SNX9: variants seen among roughly 807,000 people sequenced by gnomAD.
The protein encoded by SNX9 is sorting nexin 9, also known as sorting nexin-9.
A neutral mutation model predicts 89.4 loss-of-function variants in SNX9; 44 were observed. That is an observed-to-expected ratio of 0.49 (90% CI 0.39 to 0.63). SNX9 has a LOEUF of 0.63. Ranked by LOEUF, SNX9 falls within the 30% of genes least tolerant of loss-of-function variation. The pLI is 0.00. For missense variants in SNX9, 578 were observed against 736.1 expected (o/e 0.79, Z 2.49); for synonymous variants, 236 against 247.8 (o/e 0.95, Z 0.45).
chr6:157,880,807 A>T (rs1409511961), intron 4 of SNX9, among the ~76,000 whole-genome samples: 1 of 152,214 alleles, frequency 6.6e-6, no homozygotes, highest in Non-Finnish European at 1.5e-5. Flanking sequence ...CAGACTGTCT[A>T]GGTTTTAATC....
chr6:157,938,781 GA>G (rs11324404), intron 16 of SNX9, 34 bp downstream of exon 16: 348,861 of 1,528,338 alleles, frequency 0.23, 41,015 homozygotes, highest in African/African-American at 0.28. Context: ...GGTGCTGGTG[GA>G]AGTTTTTTTT....
intron 4 of SNX9, among the ~76,000 whole-genome samples, chr6:157,881,545 G>A (rs1469488126): frequency 6.6e-6 from 1 of 152,192 alleles, no homozygotes; most frequent in Non-Finnish European, 1.5e-5. Flanking sequence ...CAGGCCAAAA[G>A]CCAGGTCCTC....
chr6:157,911,062 G>A (rs1271335460), intron 9 of SNX9, among the ~76,000 whole-genome samples: 2 of 152,064 alleles, frequency 1.3e-5, no homozygotes, highest in South Asian at 2.1e-4. Context: ...GCGGTGAGCC[G>A]AGATTGCGCC....
intron 4 of SNX9, 124 bp downstream of exon 4, chr6:157,875,300 G>A: frequency 7.6e-7 from 1 of 1,312,916 alleles, no homozygotes; most frequent in South Asian, 1.8e-5. Flanking sequence ...TCGCTTTTAG[G>A]TTGTTCTGTG....
At chr6:157,891,010 A>G (rs1237525489) in intron 4 of SNX9, among the ~76,000 whole-genome samples, 2 of 150,712 alleles carry the variant, frequency 1.3e-5, no homozygotes, top group Non-Finnish European at 2.9e-5. Context: ...ACATGCTAAA[A>G]ATTCTTTTTT....
At chr6:157,900,137 A>G (rs1440539949) in intron 5 of SNX9, among the ~76,000 whole-genome samples, 3 of 151,962 alleles carry the variant, frequency 2.0e-5, no homozygotes, top group Admixed American at 2.0e-4. Context: ...TTCTGCTTCT[A>G]TAAGTTTTTT....
At chr6:157,892,756 C>A (rs2115160031) in intron 4 of SNX9, 1 of 152,332 alleles carries the variant, frequency 6.6e-6, no homozygotes, top group South Asian at 2.1e-4. Flanking sequence ...ACTGAACTGT[C>A]TTCTGGAAGG....
intron 6 of SNX9, among the ~76,000 whole-genome samples, chr6:157,904,149 C>T (rs1783162551): frequency 6.6e-6 from 1 of 152,028 alleles, no homozygotes; most frequent in Non-Finnish European, 1.5e-5. Flanking sequence ...TAAGAATTCA[C>T]CTTGGGCCAG....
At position 157,927,319 on chromosome 6, in the gene SNX9, A is replaced by G; in HGVS notation, c.1184+105A>G. ...GCAGCCGAAACTCAAATCAGACTAGACTTTTATGAAATGAGTGGGATTTGT... is the reference window on the plus strand; with the variant it reads ...GCAGCCGAAACTCAAATCAGACTAGGCTTTTATGAAATGAGTGGGATTTGT... On this transcript the variant is annotated intron_variant, in intron 11 of 17. Coordinates refer to ENST00000392185, the MANE Select transcript of SNX9 (RefSeq NM_016224.5). 8 of 702,826 alleles carry G rather than the reference A, an allele frequency of 1.1e-5. No individual in the cohort carries two copies. In the South Asian group the frequency reaches 1.4e-4, roughly 12 times the overall value. 43.5% of individuals were successfully genotyped at this position (702,826 alleles called of 1,614,324 possible).
intron 1 of SNX9, among the ~76,000 whole-genome samples, chr6:157,851,054 A>G (rs970295769): frequency 1.6e-4 from 25 of 152,144 alleles, no homozygotes; most frequent in Non-Finnish European, 2.9e-5. Context: ...CCAGGAGTTC[A>G]AGACCAACCT....
rs867032267 is a variant in SNX9, at chr6:157,894,170, C to T, written c.301-2657C>T. Among the ~76,000 whole-genome samples the T allele has an allele frequency of 2.2e-4, 29 of 130,492 alleles. No individual in the cohort carries two copies. In the Middle Eastern group the frequency reaches 0.029, roughly 131 times the overall value. 85.6% of individuals were successfully genotyped at this position (130,492 alleles called of 152,430 possible). ...TGTCGCCCAGTCTGGAGTGCAGTGG[C>T]GTGATCTCAGCTCATTGCAATCTCC... On this transcript the variant is annotated intron_variant, in intron 4 of 17. Coordinates refer to ENST00000392185, the MANE Select transcript of SNX9 (RefSeq NM_016224.5).
At chr6:157,828,247 G>A (rs985004149) in intron 1 of SNX9, among the ~76,000 whole-genome samples, 2 of 151,982 alleles carry the variant, frequency 1.3e-5, no homozygotes, top group Non-Finnish European at 2.9e-5. Flanking sequence ...TAAGTTCTGT[G>A]ACAGTAGAAA....
At position 157,943,061 on chromosome 6, in the gene SNX9, TG is replaced by T. The variant is rs1784075758; in HGVS notation, c.*224del. ...ATCCATTATTTAAACCAGTGGAAAT[TG>T]TCTCTATTTTTGGAAAGTACTTAAA... is the stretch of plus-strand genomic sequence containing the variant. On this transcript the variant is annotated 3_prime_UTR_variant, in exon 18 of 18. Coordinates refer to ENST00000392185, the MANE Select transcript of SNX9 (RefSeq NM_016224.5). 1 of 410,830 alleles carries T rather than the reference TG, an allele frequency of 2.4e-6. No homozygotes were observed. The highest frequency in any genetic ancestry group is 6.2e-5 in the South Asian group (1 of 16,054). 25.4% of individuals were successfully genotyped at this position (410,830 alleles called of 1,614,324 possible).
At chr6:157,864,686 G>T (rs1006192155) in intron 1 of SNX9, among the ~76,000 whole-genome samples, 3 of 152,086 alleles carry the variant, frequency 2.0e-5, no homozygotes, top group African/African-American at 7.2e-5. Context: ...CCGCATTTCT[G>T]TCCTGTCTGT....
At chr6:157,826,755 TTA>T (rs202148809) in intron 1 of SNX9, among the ~76,000 whole-genome samples, 2 of 118,772 alleles carry the variant, frequency 1.7e-5, no homozygotes, top group Middle Eastern at 3.8e-3. Context: ...ATTATAGGTT[TTA>T]TATATATATG....
chr6:157,894,541 A>T (rs1782939747), intron 4 of SNX9, among the ~76,000 whole-genome samples: 1 of 151,476 alleles, frequency 6.6e-6, no homozygotes, highest in African/African-American at 2.4e-5. Context: ...CAGGGCTAAT[A>T]GGTGCTAAGT....
intron 4 of SNX9, among the ~76,000 whole-genome samples, chr6:157,895,277 G>A (rs1318917600): frequency 1.1e-4 from 16 of 152,144 alleles, no homozygotes; most frequent in Admixed American, 7.2e-4. Flanking sequence ...ATGTTTCTAA[G>A]GCCAGTCCTC....
chr6:157,911,970 G>T (rs904802016), intron 9 of SNX9, among the ~76,000 whole-genome samples: 1 of 152,180 alleles, frequency 6.6e-6, no homozygotes, highest in Non-Finnish European at 1.5e-5. Flanking sequence ...CCCTCGTGGT[G>T]CTGGGGCGGT....
At chr6:157,887,464 C>T (rs1362469378) in intron 4 of SNX9, among the ~76,000 whole-genome samples, 1 of 152,152 alleles carries the variant, frequency 6.6e-6, no homozygotes, top group East Asian at 1.9e-4. Context: ...TCTCTCTCTG[C>T]GTCTCTGTCT....
Sources: allele counts gnomAD v4.1 joint callset (sites outside exome capture counted in the v4.1 genomes callset), GRCh38; gene constraint gnomAD v4.1.1; transcripts MANE v1.5; gene names NCBI Gene and HGNC (gene_info 2026-07-23, HGNC 2026-07-21).